PPARGC1A: variants seen among roughly 807,000 people sequenced by gnomAD.
The protein encoded by PPARGC1A is peroxisome proliferator-activated receptor gamma coactivator 1-alpha.
A neutral mutation model predicts 88.7 loss-of-function variants in PPARGC1A; 25 were observed. That is an observed-to-expected ratio of 0.28 (90% CI 0.21 to 0.39). The LOEUF (loss-of-function observed/expected upper bound fraction) is 0.39, where lower values mean the gene tolerates loss of function less well. PPARGC1A is among the 10% of genes least tolerant of loss of function. The pLI is 1.00. For missense variants in PPARGC1A, 880 were observed against 968.7 expected (o/e 0.91, Z 1.22); for synonymous variants, 363 against 355.6 (o/e 1.02, Z -0.24).
chr4:24,165,779 C>T, the PPARGC1A span, among the ~76,000 whole-genome samples: 3 of 151,990 alleles, frequency 2.0e-5, no homozygotes, highest in Admixed American at 2.0e-4. Flanking sequence ...TGTGTTCTGA[C>T]TGCTCCACTG....
At chr4:24,437,590 G>GTTT in the PPARGC1A span, among the ~76,000 whole-genome samples, 23 of 130,776 alleles carry the variant, frequency 1.8e-4, no homozygotes, top group South Asian at 3.7e-3. Context: ...AAAGGCACAG[G>GTTT]TTTTTTGTTG....
At chr4:23,953,402 C>T in the PPARGC1A span, among the ~76,000 whole-genome samples, 1 of 152,034 alleles carries the variant, frequency 6.6e-6, no homozygotes. Flanking sequence ...GAAGGTATTA[C>T]TATGTTACAG....
chr4:24,347,638 A>G, the PPARGC1A span, among the ~76,000 whole-genome samples: 1 of 152,144 alleles, frequency 6.6e-6, no homozygotes, highest in East Asian at 1.9e-4. Flanking sequence ...CTTTAAGTGT[A>G]TGTGAGTCCT....
chr4:23,895,978 GTGTATA>G (rs377034790), intron 1 of PPARGC1A, among the ~76,000 whole-genome samples: 9,992 of 40,186 alleles, frequency 0.25, 348 homozygotes, highest in Non-Finnish European at 0.38. Context: ...GTGTGTGTGT[GTGTATA>G]TATATATACA....
intron 2 of PPARGC1A, among the ~76,000 whole-genome samples, chr4:23,842,994 C>T (rs907638801): frequency 7.9e-5 from 12 of 151,962 alleles, no homozygotes; most frequent in African/African-American, 2.9e-4. Context: ...ATTAATGTGC[C>T]TAGTTGTTTT....
intron 2 of PPARGC1A, among the ~76,000 whole-genome samples, chr4:23,853,554 G>T (rs1188484269): frequency 6.6e-6 from 1 of 152,114 alleles, no homozygotes; most frequent in Non-Finnish European, 1.5e-5. Flanking sequence ...AAGCACTTAG[G>T]CACTGTGAAT....
chr4:24,427,022 C>T, the PPARGC1A span, among the ~76,000 whole-genome samples: 1 of 152,148 alleles, frequency 6.6e-6, no homozygotes, highest in East Asian at 1.9e-4. Context: ...TCAATATTCC[C>T]ATTCTGCAGA....
the PPARGC1A span, among the ~76,000 whole-genome samples, chr4:24,412,091 A>G: frequency 2.0e-5 from 3 of 152,210 alleles, no homozygotes; most frequent in African/African-American, 7.2e-5. Flanking sequence ...AAACTGCCAA[A>G]CAGTCTTTCA....
the PPARGC1A span, among the ~76,000 whole-genome samples, chr4:24,169,235 A>T: frequency 2.0e-5 from 3 of 151,912 alleles, no homozygotes; most frequent in African/African-American, 7.3e-5. Flanking sequence ...CCTCCTCAAA[A>T]CTCTCAAGTC....
the PPARGC1A span, among the ~76,000 whole-genome samples, chr4:24,020,721 G>A: frequency 0.014 from 2,138 of 152,210 alleles, 24 homozygotes; most frequent in Non-Finnish European, 0.023. Context: ...GGACAGAGGA[G>A]GCGCCTTCCT....
At chr4:24,430,579 G>T in the PPARGC1A span, among the ~76,000 whole-genome samples, 1 of 151,982 alleles carries the variant, frequency 6.6e-6, no homozygotes, top group Non-Finnish European at 1.5e-5. Flanking sequence ...CCCCTAAAAT[G>T]ATCTCATGAG....
chr4:24,089,545 C>T, the PPARGC1A span, among the ~76,000 whole-genome samples: 1 of 136,400 alleles, frequency 7.3e-6, no homozygotes, highest in African/African-American at 2.9e-5. Context: ...GAGTCTTGCT[C>T]TATCACCCAG....
chr4:23,910,336 ATATAT>A, the PPARGC1A span, among the ~76,000 whole-genome samples: 122 of 63,642 alleles, frequency 1.9e-3, no homozygotes, highest in African/African-American at 9.2e-3. Flanking sequence ...TATATATTAT[ATATAT>A]TATATATTAT....
the PPARGC1A span, among the ~76,000 whole-genome samples, chr4:24,408,262 A>G: frequency 6.8e-6 from 1 of 147,516 alleles, no homozygotes; most frequent in Non-Finnish European, 1.5e-5. Context: ...CAAACAAAGA[A>G]AAAAAAAAGA....
the PPARGC1A span, among the ~76,000 whole-genome samples, chr4:24,220,973 G>A: frequency 2.8e-4 from 42 of 152,030 alleles, 1 homozygote; most frequent in Admixed American, 6.5e-4. Flanking sequence ...CACTCATCCC[G>A]TAACAAGATG....
At chr4:24,176,165 C>G in the PPARGC1A span, among the ~76,000 whole-genome samples, 1 of 152,166 alleles carries the variant, frequency 6.6e-6, no homozygotes, top group Non-Finnish European at 1.5e-5. Flanking sequence ...TGAGGATATG[C>G]AATAAACTTG....
chr4:24,450,192 C>CA, the PPARGC1A span, among the ~76,000 whole-genome samples: 3 of 152,204 alleles, frequency 2.0e-5, no homozygotes, highest in African/African-American at 7.2e-5. Flanking sequence ...CTCTCGTAAA[C>CA]ATGGTTAGCC....
the PPARGC1A span, among the ~76,000 whole-genome samples, chr4:23,915,635 T>C: frequency 8.5e-5 from 13 of 152,342 alleles, no homozygotes; most frequent in East Asian, 2.3e-3. Context: ...TCTAGAATAA[T>C]GCCTGGCACG....
At chr4:23,943,038 G>A in the PPARGC1A span, among the ~76,000 whole-genome samples, 1 of 152,128 alleles carries the variant, frequency 6.6e-6, no homozygotes, top group African/African-American at 2.4e-5. Context: ...CTTTTTTTAT[G>A]TTGCCTTCAT....
Sources: allele counts gnomAD v4.1 joint callset (sites outside exome capture counted in the v4.1 genomes callset), GRCh38; gene constraint gnomAD v4.1.1; transcripts MANE v1.5; gene names NCBI Gene and HGNC (gene_info 2026-07-23, HGNC 2026-07-21).